Variants in HPSE2 observed in about 807,000 individuals in gnomAD.
The protein encoded by HPSE2 is heparanase 2 (inactive).
In HPSE2, 38 loss-of-function variants were observed where a neutral mutation model predicts 60.5. The ratio of observed to expected loss-of-function variants is 0.63; its 90% CI spans 0.48 to 0.82. The LOEUF is 0.82. Among genes scored for constraint, HPSE2 ranks in the 40% least tolerant of loss-of-function variants. HPSE2 has a pLI of 0.00. For missense variants in HPSE2, 713 were observed against 740.4 expected (o/e 0.96, Z 0.43); for synonymous variants, 295 against 293.2 (o/e 1.01, Z -0.06).
At chr10:98,485,430 CTCTT>C (rs1179208021) in intron 10 of HPSE2, among the ~76,000 whole-genome samples, 1 of 152,210 alleles carries the variant, frequency 6.6e-6, no homozygotes, top group African/African-American at 2.4e-5. Context: ...ATTAAAACGA[CTCTT>C]TCATCCAGTT....
intron 7 of HPSE2, among the ~76,000 whole-genome samples, chr10:98,622,667 A>T (rs1225878993): frequency 6.6e-6 from 1 of 152,186 alleles, no homozygotes; most frequent in Non-Finnish European, 1.5e-5. Context: ...AAATTACACA[A>T]ATTTGAGATT....
the HPSE2 span, among the ~76,000 whole-genome samples, chr10:99,303,966 A>C: frequency 2.6e-5 from 4 of 152,214 alleles, no homozygotes; most frequent in African/African-American, 9.6e-5. Context: ...GGAGAATAAA[A>C]GCATTCTGCC....
At chr10:98,750,678 G>C (rs1364668470) in intron 3 of HPSE2, among the ~76,000 whole-genome samples, 1 of 152,156 alleles carries the variant, frequency 6.6e-6, no homozygotes, top group Non-Finnish European at 1.5e-5. Context: ...AAGAAACTCT[G>C]AAGTTTTTGG....
At chr10:98,626,021 G>T (rs1344581998) in intron 7 of HPSE2, among the ~76,000 whole-genome samples, 2 of 151,112 alleles carry the variant, frequency 1.3e-5, no homozygotes, top group African/African-American at 4.9e-5. Flanking sequence ...CGGAAGAACT[G>T]CGTGAACCTG....
At chr10:98,748,305 C>CA (rs905086280) in intron 3 of HPSE2, among the ~76,000 whole-genome samples, 4 of 151,974 alleles carry the variant, frequency 2.6e-5, no homozygotes, top group Non-Finnish European at 4.4e-5. Flanking sequence ...AAATCCGTCT[C>CA]AAAAAATAAT....
chr10:99,280,952 A>G, the HPSE2 span, among the ~76,000 whole-genome samples: 1 of 152,168 alleles, frequency 6.6e-6, no homozygotes, highest in African/African-American at 2.4e-5. Flanking sequence ...CTGAGCTGCT[A>G]CATACTAAAT....
At chr10:98,767,565 T>C (rs1950148164) in intron 3 of HPSE2, among the ~76,000 whole-genome samples, 1 of 146,884 alleles carries the variant, frequency 6.8e-6, no homozygotes, top group South Asian at 2.1e-4. Flanking sequence ...ATGTATATTA[T>C]GTAATGCTAT....
intron 3 of HPSE2, among the ~76,000 whole-genome samples, chr10:98,992,909 TTTGAGTCCCAG>T (rs1956558942): frequency 1.3e-5 from 2 of 152,226 alleles, no homozygotes; most frequent in African/African-American, 4.8e-5. Flanking sequence ...ATTTCACTTC[TTTGAGTCCCAG>T]TTCACAATGG....
the HPSE2 span, among the ~76,000 whole-genome samples, chr10:99,293,612 T>C: frequency 6.6e-6 from 1 of 152,294 alleles, no homozygotes; most frequent in African/African-American, 2.4e-5. Flanking sequence ...CATAACTGAT[T>C]TTTACAGCTG....
intron 6 of HPSE2, among the ~76,000 whole-genome samples, chr10:98,677,368 G>A (rs376470816): frequency 1.3e-4 from 20 of 152,256 alleles, no homozygotes; most frequent in African/African-American, 4.8e-4. Flanking sequence ...TGCAATATCT[G>A]TAGAATGTAT....
intron 9 of HPSE2, among the ~76,000 whole-genome samples, chr10:98,614,147 C>T (rs1396217175): frequency 6.6e-6 from 1 of 152,102 alleles, no homozygotes; most frequent in African/African-American, 2.4e-5. Flanking sequence ...GGATAACACT[C>T]CCCCATCTGC....
intron 3 of HPSE2, among the ~76,000 whole-genome samples, chr10:99,055,527 TGATAA>T (rs1430669726): frequency 6.6e-6 from 1 of 152,128 alleles, no homozygotes; most frequent in East Asian, 1.9e-4. Context: ...AAACTGGAGC[TGATAA>T]AATATTGGAA....
At chr10:98,831,628 T>C (rs1951685691) in intron 3 of HPSE2, among the ~76,000 whole-genome samples, 1 of 152,184 alleles carries the variant, frequency 6.6e-6, no homozygotes, top group South Asian at 2.1e-4. Context: ...GAGACCTTGC[T>C]CAAGGGCAGT....
chr10:99,251,406 A>G, the HPSE2 span, among the ~76,000 whole-genome samples: 1 of 117,748 alleles, frequency 8.5e-6, no homozygotes, highest in Non-Finnish European at 2.0e-5. Context: ...GCCGAATTCT[A>G]CCAGACATAC....
At chr10:99,304,602 C>T in the HPSE2 span, among the ~76,000 whole-genome samples, 2 of 152,208 alleles carry the variant, frequency 1.3e-5, no homozygotes, top group African/African-American at 2.4e-5. Context: ...TATCAAAGAG[C>T]TACAAAGGCA....
chr10:98,464,041 C>T (rs1448075984), intron 11 of HPSE2, among the ~76,000 whole-genome samples: 3 of 151,966 alleles, frequency 2.0e-5, no homozygotes, highest in Admixed American at 6.6e-5. Flanking sequence ...TGCTTGAATC[C>T]GGGATGCAGA....
At chr10:99,125,667 C>G (rs1456336800) in intron 3 of HPSE2, among the ~76,000 whole-genome samples, 1 of 152,214 alleles carries the variant, frequency 6.6e-6, no homozygotes, top group Non-Finnish European at 1.5e-5. Context: ...AGGGGGAAAA[C>G]ATGCCTCTGA....
chr10:98,582,724 T>C (rs552320071), intron 9 of HPSE2, among the ~76,000 whole-genome samples: 2 of 152,324 alleles, frequency 1.3e-5, no homozygotes, highest in East Asian at 3.9e-4. Flanking sequence ...ACAGGAGCCT[T>C]TACTTTAAAG....
chr10:98,753,434 G>T (rs1438489884), intron 3 of HPSE2, among the ~76,000 whole-genome samples: 2 of 152,014 alleles, frequency 1.3e-5, no homozygotes, highest in Non-Finnish European at 2.9e-5. Flanking sequence ...GGACTCAAAA[G>T]GATACTTGTA....
Sources: allele counts gnomAD v4.1 joint callset (sites outside exome capture counted in the v4.1 genomes callset), GRCh38; gene constraint gnomAD v4.1.1; transcripts MANE v1.5; gene names NCBI Gene and HGNC (gene_info 2026-07-23, HGNC 2026-07-21).